UGT1A8: variants seen among roughly 807,000 people sequenced by gnomAD.
UGT1A8 encodes the protein UDP glucuronosyltransferase family 1 member A8.
UGT1A8 carries 39 observed loss-of-function variants against 45.3 expected under a neutral mutation model. That is an observed-to-expected ratio of 0.86 (90% CI 0.67 to 1.12). UGT1A8 has a LOEUF of 1.12. Among genes scored for constraint, UGT1A8 ranks in the 50% most tolerant of loss-of-function variants. The pLI, the probability that UGT1A8 is intolerant of heterozygous loss-of-function variation, is 0.00. For synonymous variants in UGT1A8, 275 were observed against 249.2 expected (o/e 1.10, Z -0.97); for missense variants, 719 against 664.9 (o/e 1.08, Z -0.90).
At chr2:233,732,618 A>G (rs2078289754) in intron 1 of UGT1A8, among the ~76,000 whole-genome samples, 1 of 152,068 alleles carries the variant, frequency 6.6e-6, no homozygotes, top group Non-Finnish European at 1.5e-5. Flanking sequence ...ATGGTTGTAG[A>G]TGTGTGGTGT....
intron 1 of UGT1A8, among the ~76,000 whole-genome samples, chr2:233,634,223 T>A (rs1407140950): frequency 2.6e-5 from 4 of 152,200 alleles, no homozygotes; most frequent in Non-Finnish European, 5.9e-5. Context: ...AGTGTTTTGC[T>A]TCCAATTATG....
chr2:233,635,905 C>A (rs1474365756), intron 1 of UGT1A8, among the ~76,000 whole-genome samples: 1 of 150,918 alleles, frequency 6.6e-6, no homozygotes, highest in Non-Finnish European at 1.5e-5. Flanking sequence ...TCCATCAAGT[C>A]CCTGGTATGG....
At chr2:233,672,555 A>G in intron 1 of UGT1A8, 1 of 1,613,944 alleles carries the variant, frequency 6.2e-7, no homozygotes, top group African/African-American at 1.3e-5. Flanking sequence ...AGGAGAGAGT[A>G]CGGAACCACA....
At position 233,682,202 on chromosome 2, in the gene UGT1A8, GA is replaced by G. The variant is rs755165543; in HGVS notation, c.855+63641del. 37 of 1,614,244 alleles carry G rather than the reference GA, an allele frequency of 2.3e-5. No individual in the cohort carries two copies. In the African/African-American group the frequency reaches 4.9e-4, roughly 22 times the overall value. On this transcript the variant is annotated intron_variant, in intron 1 of 4. Transcript: ENST00000373450. The stretch of plus-strand genomic sequence containing the variant: ...ATACACTCTGGAGGATCAGGACCGG[GA>G]GTTCATGGTTTTTGCCGATGCTCGC...
intron 1 of UGT1A8, among the ~76,000 whole-genome samples, chr2:233,660,031 G>C (rs1489673398): frequency 6.6e-6 from 1 of 152,100 alleles, no homozygotes; most frequent in African/African-American, 2.4e-5. Flanking sequence ...TGCCCACCTT[G>C]TTTTTCTTGC....
intron 1 of UGT1A8, among the ~76,000 whole-genome samples, chr2:233,664,688 C>T (rs2074038314): frequency 6.6e-6 from 1 of 152,116 alleles, no homozygotes; most frequent in South Asian, 2.1e-4. Flanking sequence ...CAACACAAAG[C>T]CATGAGGGAT....
intron 1 of UGT1A8, among the ~76,000 whole-genome samples, chr2:233,710,091 T>C (rs1192264751): frequency 6.6e-6 from 1 of 152,250 alleles, no homozygotes; most frequent in Admixed American, 6.5e-5. Context: ...CATTGTTGCA[T>C]GTATCAATAT....
At chr2:233,708,090 C>T (rs192949963) in intron 1 of UGT1A8, among the ~76,000 whole-genome samples, 95 of 152,258 alleles carry the variant, frequency 6.2e-4, no homozygotes, top group Middle Eastern at 3.4e-3. Flanking sequence ...TTTATTCAAA[C>T]GAATTAGAAT....
At chr2:233,726,124 C>T (rs1256965753) in intron 1 of UGT1A8, among the ~76,000 whole-genome samples, 1 of 152,176 alleles carries the variant, frequency 6.6e-6, no homozygotes, top group Non-Finnish European at 1.5e-5. Flanking sequence ...CATGTTCACA[C>T]CACCTCACTC....
intron 1 of UGT1A8, among the ~76,000 whole-genome samples, chr2:233,733,033 T>G (rs202002745): frequency 2.0e-5 from 3 of 152,098 alleles, no homozygotes; most frequent in Non-Finnish European, 4.4e-5. Context: ...CACATCCCTT[T>G]TAAGTTGGAT....
intron 1 of UGT1A8, among the ~76,000 whole-genome samples, chr2:233,629,688 A>G (rs1171664062): frequency 6.6e-6 from 1 of 152,138 alleles, no homozygotes; most frequent in African/African-American, 2.4e-5. Context: ...TAGTTTGTGA[A>G]TAATTGGTAT....
At chr2:233,743,943 G>A in intron 1 of UGT1A8, 2 of 1,352,238 alleles carry the variant, frequency 1.5e-6, no homozygotes, top group Non-Finnish European at 9.9e-7. Flanking sequence ...GGCCCACCAG[G>A]CACTGGCACA....
At chr2:233,705,147 AAAG>A (rs767528051) in intron 1 of UGT1A8, among the ~76,000 whole-genome samples, 175 of 152,082 alleles carry the variant, frequency 1.2e-3, no homozygotes, top group Middle Eastern at 3.4e-3. Flanking sequence ...AAAAAAAAAA[AAAG>A]AGAGAGAGAG....
chr2:233,769,664 G>A lies in UGT1A8; in HGVS notation c.1295+1225G>A. ...CTGATGACTGACTTCCCACCTTTGAGGTGCTAATGTGTGTGTGGTGGCACT... is the reference window on the plus strand; with the variant it reads ...CTGATGACTGACTTCCCACCTTTGAAGTGCTAATGTGTGTGTGGTGGCACT... On this transcript the variant is annotated intron_variant, in intron 4 of 4. Coordinates refer to ENST00000373450, the MANE Select transcript of UGT1A8 (RefSeq NM_019076.5). This position sits in a 1 kb window ranked among gnomAD's most constrained non-coding sequence, Gnocchi z 4.4. The A allele has an allele frequency of 6.3e-7, 1 of 1,596,206 alleles. No homozygotes were observed. Among genetic ancestry groups the A allele is most frequent in the African/African-American group, 1.3e-5 (1 of 74,742 alleles).
At chr2:233,657,500 A>C (rs1349875947) in intron 1 of UGT1A8, among the ~76,000 whole-genome samples, 1 of 152,194 alleles carries the variant, frequency 6.6e-6, no homozygotes, top group Non-Finnish European at 1.5e-5. Context: ...CAGTTCTTGC[A>C]GGAGCAATAG....
intron 1 of UGT1A8, among the ~76,000 whole-genome samples, chr2:233,663,424 C>T (rs1402453545): frequency 6.6e-6 from 1 of 151,974 alleles, no homozygotes; most frequent in Non-Finnish European, 1.5e-5. Flanking sequence ...TCTTCTTGCA[C>T]TGAATCAGTT....
chr2:233,693,766 G>A (rs2075179392), intron 1 of UGT1A8: 8 of 1,614,122 alleles, frequency 5.0e-6, no homozygotes, highest in African/African-American at 1.3e-5. Context: ...CTGTTTGGCT[G>A]TTAAGATATG....
chr2:233,676,159 AC>A (rs2074349628), intron 1 of UGT1A8, among the ~76,000 whole-genome samples: 1 of 152,074 alleles, frequency 6.6e-6, no homozygotes. Flanking sequence ...AGACTCCAAA[AC>A]CATTTGTGGA....
chr2:233,618,410 C>T lies in UGT1A8; in HGVS notation c.703C>T (p.Leu235Phe). The part of the protein sequence containing the change: ...KNALEIASEI[L>F]QTPVTAYDLY... ...TGCCCTAGAAATAGCCTCTGAAATT[C>T]TCCAAACACCTGTCACAGCATATGA... Residue 235 changes from leucine to phenylalanine, a missense_variant, in exon 1 of 5, where the codon CTC becomes TTC. Transcript: ENST00000373450. The T allele has an allele frequency of 1.9e-6, 3 of 1,613,882 alleles. No homozygotes were observed. The highest frequency in any genetic ancestry group is 2.5e-6 in the Non-Finnish European group (3 of 1,179,842).
Sources: gnomAD v4.1 joint callset for allele counts (sites outside exome capture counted in the v4.1 genomes callset) on GRCh38, gnomAD v4.1.1 for gene constraint, Gnocchi (gnomAD v3.1) non-coding constraint, MANE v1.5 for transcripts, NCBI Gene and HGNC (gene_info 2026-07-23, HGNC 2026-07-21) for gene names.